NOTCH4: variants seen among roughly 807,000 people sequenced by gnomAD.
NOTCH4 encodes notch receptor 4.
A neutral mutation model predicts 189.0 loss-of-function variants in NOTCH4; 138 were observed. That is an observed-to-expected ratio of 0.73 (90% CI 0.64 to 0.84). The LOEUF (loss-of-function observed/expected upper bound fraction) is 0.84, where lower values mean the gene tolerates loss of function less well. Ranked by LOEUF, NOTCH4 falls within the 40% of genes least tolerant of loss-of-function variation. NOTCH4 has a pLI of 0.00. For synonymous variants in NOTCH4, 942 were observed against 1,032.8 expected, an observed-to-expected ratio of 0.91 and a Z score of 1.69; for missense variants, 2,286 against 2,605.4, an observed-to-expected ratio of 0.88 and a Z score of 2.67.
chr6:32,216,870 C>G, intron 11 of NOTCH4, 75 bp downstream of exon 11: 1 of 1,517,230 alleles, frequency 6.6e-7, no homozygotes, highest in Middle Eastern at 1.7e-4. Context: ...CATCAAACAC[C>G]CACCAATGAA....
Position 32,201,231 on chromosome 6 carries a change from TA to T in NOTCH4, c.4024del (p.Tyr1342IlefsTer10), listed in dbSNP as rs1561919092. 1 of 1,612,934 alleles carries T rather than the reference TA, an allele frequency of 6.2e-7. No individual in the cohort carries two copies. The highest frequency in any genetic ancestry group is 8.5e-7 in the Non-Finnish European group (1 of 1,179,986). On this transcript the variant is annotated frameshift_variant, in exon 22 of 30. Coordinates refer to ENST00000375023, the MANE Select transcript of NOTCH4 (RefSeq NM_004557.4). LOFTEE classifies it high-confidence loss of function. This position sits in a 1 kb window ranked among gnomAD's most constrained non-coding sequence, Gnocchi z 5.5. ...CTTTTCTTCAGCCCGGGCCCCAGGATAGGGGTACACCATGTCCCTGCCATCA... is the reference window on the plus strand; with the variant it reads ...CTTTTCTTCAGCCCGGGCCCCAGGATGGGGTACACCATGTCCCTGCCATCA... ...DRDGRDMVYP[Y>X]PGARAEEKLG...
chr6:32,212,806 G>T lies in NOTCH4; in HGVS notation c.2526+18C>A. 1 of 1,512,422 alleles carries T rather than the reference G, an allele frequency of 6.6e-7. No homozygotes were observed. The highest frequency in any genetic ancestry group is 8.9e-7 in the Non-Finnish European group (1 of 1,127,628). The allele number at this position is 1,512,422 out of a possible 1,614,324, so 93.7% of individuals were successfully genotyped here. ...AGCCACTTCCCTCCTCAGCACGCCT[G>T]ACTTCAATGGCCCTCACCTGGCAGC... is the stretch of plus-strand genomic sequence containing the variant. On this transcript the variant is annotated intron_variant, in intron 16 of 29. Transcript: ENST00000375023. This position sits in a 1 kb window ranked among gnomAD's most constrained non-coding sequence, Gnocchi z 4.4.
In NOTCH4 at chr6:32,219,791, G is replaced by A. The variant is rs1300769639; in HGVS notation, c.1316-5C>T. 2.5e-6 allele frequency: 4 copies of A among 1,609,944 alleles called. No homozygotes were observed. Among genetic ancestry groups the A allele is most frequent in the Non-Finnish European group, 3.4e-6 (4 of 1,178,390 alleles). ...AGGGACTTGGGCCTTGCTGGGCTGGGAGGAGAGAAGAGCTGGGAGTCCACA... is the reference window on the plus strand; with the variant it reads ...AGGGACTTGGGCCTTGCTGGGCTGGAAGGAGAGAAGAGCTGGGAGTCCACA... On this transcript the variant is annotated splice_polypyrimidine_tract_variant and splice_region_variant and intron_variant, in intron 7 of 29. Coordinates refer to ENST00000375023, the MANE Select transcript of NOTCH4 (RefSeq NM_004557.4).
intron 18 of NOTCH4, among the ~76,000 whole-genome samples, chr6:32,209,046 G>A (rs1788859036): frequency 6.6e-6 from 1 of 152,148 alleles, no homozygotes. Flanking sequence ...GTGTCATATA[G>A]ACACAATGGA....
Position 32,220,806 on chromosome 6 carries a change from C to T in NOTCH4, c.872G>A (p.Cys291Tyr). 1 of 1,614,096 alleles carries T rather than the reference C, an allele frequency of 6.2e-7. No individual in the cohort carries two copies. Among genetic ancestry groups the T allele is most frequent in the Non-Finnish European group, 8.5e-7 (1 of 1,179,968 alleles). Residue 291 changes from cysteine (C) to tyrosine (Y), a missense_variant, in exon 5 of 30, where the codon TGC becomes TAC. Physicochemically the swap from Cys to Tyr is radical, Grantham distance 194. Transcript: ENST00000375023. ...GGTGTAGGTGTCCAGCCCATCCTGG[C>T]AAGTGCCCCCATTCTGACACTGGTG... ...VSHQCQNGGT[C>Y]QDGLDTYTCL... is the part of the protein sequence containing the mutation.
rs756869942 is a variant in NOTCH4 at position 32,200,985 on chromosome 6, C to T, written c.4161G>A (p.Val1387=). The T allele has an allele frequency of 6.3e-7, 1 of 1,581,770 alleles. No homozygotes were observed. The highest frequency in any genetic ancestry group is 1.2e-5 in the South Asian group (1 of 85,366). Residue 1387 remains valine (V), a synonymous_variant, in exon 23 of 30, where the codon GTG becomes GTA. Coordinates refer to ENST00000375023, the MANE Select transcript of NOTCH4 (RefSeq NM_004557.4). The surrounding 1 kb of genome is among the most constrained non-coding windows in gnomAD (Gnocchi z 5.0). ...GGTCAGGGCCACAGCGGGACAAATCCACACCCATGACCACCACAAACCTGT... is the reference window on the plus strand; with the variant it reads ...GGTCAGGGCCACAGCGGGACAAATCTACACCCATGACCACCACAAACCTGT... The part of the protein sequence containing the change: ...LSAGFVVVMG[V]DLSRCGPDHP...
intron 5 of NOTCH4, 26 bp from the exon 6 acceptor site, chr6:32,220,667 G>A (rs1246775019): frequency 1.9e-6 from 3 of 1,612,608 alleles, no homozygotes; most frequent in Admixed American, 1.7e-5. Flanking sequence ...GAGGGGACGA[G>A]GGCTAAGGCT....
Position 32,213,785 on chromosome 6 carries a change from G to T in NOTCH4, c.2223C>A (p.Gly741=), listed in dbSNP as rs201608659. The change falls in exon 14 of 30, where the codon GGC becomes GGA. Residue 741 remains glycine, a synonymous_variant. Coordinates refer to ENST00000375023, the MANE Select transcript of NOTCH4 (RefSeq NM_004557.4). ...TACHSGPCLN[G]GSCNPSPGGY... The stretch of plus-strand genomic sequence containing the variant: ...CTCCAGGGCTAGGGTTGCAGGAGCC[G>T]CCATTGAGACATGGCCCTGAGTGAC... 8.1e-6 allele frequency: 13 copies of T among 1,611,918 alleles called. No individual in the cohort carries two copies. The East Asian group carries it at 1.3e-4, about 17-fold the overall frequency.
At position 32,216,928 on chromosome 6, in the gene NOTCH4, G is replaced by A. The variant is rs3134798; in HGVS notation, c.1861+17C>T. ...TAAAATATTCTGCCAGTTCTTTCCAGTGCCTCCCCTGTGAACCTGTGAAAC... is the reference window on the plus strand; with the variant it reads ...TAAAATATTCTGCCAGTTCTTTCCAATGCCTCCCCTGTGAACCTGTGAAAC... On this transcript the variant is annotated intron_variant, in intron 11 of 29. Transcript: ENST00000375023. 1,205,463 of 1,612,438 alleles carry A rather than the reference G, an allele frequency of 0.75. 455,034 individuals are homozygous for A. Among genetic ancestry groups the A allele is most frequent in the East Asian group, 0.9 (40,492 of 44,890 alleles).
chr6:32,201,627 C>T lies in NOTCH4; in HGVS notation c.3756-127G>A. 1 of 894,226 alleles carries T rather than the reference C, an allele frequency of 1.1e-6. No individual in the cohort carries two copies. Among genetic ancestry groups the T allele is most frequent in the Non-Finnish European group, 1.6e-6 (1 of 640,058 alleles). The allele number at this position is 894,226 out of a possible 1,614,324, so 55.4% of individuals were successfully genotyped here. ...TTGCTAAGTGGGGGCAGCTGTGGAG[C>T]AATGAGCTTAGTCAAGTCCTGGATG... On this transcript the variant is annotated intron_variant, in intron 21 of 29. Coordinates refer to ENST00000375023, the MANE Select transcript of NOTCH4 (RefSeq NM_004557.4). The surrounding 1 kb of genome is among the most constrained non-coding windows in gnomAD (Gnocchi z 5.5).
At position 32,223,238 on chromosome 6, in the gene NOTCH4, ACCCAGC is replaced by A. The variant is rs199863906; in HGVS notation, c.74-158_74-153del. 5.5e-3 allele frequency: 3,674 copies of A among 671,184 alleles called. 36 individuals are homozygous for A. Among genetic ancestry groups the A allele is most frequent in the African/African-American group, 0.019 (1,092 of 56,172 alleles). The allele number at this position is 671,184 out of a possible 1,614,324, so 41.6% of individuals were successfully genotyped here. ...CATCTGTCCCCACTCTCCACATGGT[ACCCAGC>A]CCCAGCCCCAGTGCCCTCCGTCCCA... On this transcript the variant is annotated intron_variant, in intron 1 of 29. Coordinates refer to ENST00000375023, the MANE Select transcript of NOTCH4 (RefSeq NM_004557.4).
At position 32,204,205 on chromosome 6, in the gene NOTCH4, G is replaced by T; in HGVS notation, c.3050C>A (p.Pro1017His). Residue 1017 changes from proline (P) to histidine (H), a missense_variant, in exon 19 of 30, where the codon CCC becomes CAC. Physicochemically the swap from Pro to His is moderately conservative, Grantham distance 77 (BLOSUM62 -2). Coordinates refer to ENST00000375023, the MANE Select transcript of NOTCH4 (RefSeq NM_004557.4). ...AGAGTGGCAGGCTGCAGTGCCTGTG[G>T]GGTGGCAGGGCTGGTCCAGACACTC... ...VDECLDQPCH[P>H]TGTAACHSLA... The T allele has an allele frequency of 1.2e-6, 2 of 1,612,974 alleles. No individual in the cohort carries two copies. The highest frequency in any genetic ancestry group is 1.7e-5 in the Admixed American group (1 of 60,030).
At chr6:32,215,117 TC>T in intron 12 of NOTCH4, 108 bp downstream of exon 12, 1 of 1,047,626 alleles carries the variant, frequency 9.5e-7, no homozygotes, top group East Asian at 2.7e-5. Context: ...TCCTTCCTTT[TC>T]CCCATTGGTC....
Position 32,197,544 on chromosome 6 carries a change from C to T in NOTCH4, c.4807G>A (p.Gly1603Arg), listed in dbSNP as rs1383663014. The T allele has an allele frequency of 6.8e-6, 11 of 1,612,766 alleles. No homozygotes were observed. The highest frequency in any genetic ancestry group is 1.7e-4 in the Middle Eastern group (1 of 6,056). The change falls in exon 27 of 30, where the codon GGG (glycine) becomes AGG (arginine). Residue 1603 changes from glycine (G) to arginine (R), a missense_variant. Transcript: ENST00000375023. ...SAVCCGEVQS[G>R]TFQGAWLGCP... is the part of the protein sequence containing the mutation. ...CCCAACCATGCCCCTTGGAAGGTCC[C>T]GGACTGTACTTCCCCACAGCAAACT...
chr6:32,203,284 A>G lies in NOTCH4; in HGVS notation c.3231+486T>C, dbSNP rs149761816. 311 of 154,840 alleles carry G rather than the reference A, an allele frequency of 2.0e-3. 1 individual carries two copies. The South Asian group carries it at 0.025, about 12-fold the overall frequency. 9.6% of individuals were successfully genotyped at this position (154,840 alleles called of 1,614,324 possible). ...CTCTGGAGAGGGAACAGGATACAGG[A>G]GGAGGACTTAAGTAGATGTAAGTTA... On this transcript the variant is annotated intron_variant, in intron 20 of 29. Coordinates refer to ENST00000375023, the MANE Select transcript of NOTCH4 (RefSeq NM_004557.4).
In NOTCH4 at chr6:32,198,652, G is replaced by GCCCA; in HGVS notation, c.4610_4613dup (p.Gln1539GlyfsTer4). 6.2e-7 allele frequency: 1 copy of GCCCA among 1,611,892 alleles called. No individual in the cohort carries two copies. Among genetic ancestry groups the GCCCA allele is most frequent in the Non-Finnish European group, 8.5e-7 (1 of 1,179,530 alleles). ...ATTCTTGCCCCAGCCCTTTCACCTG[G>GCCCA]CCCACCTCCTCTCCCTCCTCAGGGC... On this transcript the variant is annotated frameshift_variant, in exon 25 of 30. Coordinates refer to ENST00000375023, the MANE Select transcript of NOTCH4 (RefSeq NM_004557.4). LOFTEE classifies it high-confidence loss of function. The surrounding 1 kb of genome is among the most constrained non-coding windows in gnomAD (Gnocchi z 5.5).
chr6:32,222,729 C>T lies in NOTCH4; in HGVS notation c.233G>A (p.Gly78Asp), dbSNP rs2127491143. Residue 78 changes from glycine (G) to aspartate (D), a missense_variant, in exon 3 of 30, where the codon GGC becomes GAC. Gly to Asp is a moderately conservative substitution (Grantham distance 94, BLOSUM62 -1). Coordinates refer to ENST00000375023, the MANE Select transcript of NOTCH4 (RefSeq NM_004557.4). Reference protein sequence around the residue: ...CQNAQLCQNGGSCQALLPAPL... With the variant: ...CQNAQLCQNGDSCQALLPAPL... ...AGCGGGAAGCAGGGCTTGGCAGCTG[C>T]CTCCATTTTGGCAGAGCTGGGCGTT... 6.2e-7 allele frequency: 1 copy of T among 1,610,642 alleles called. No individual in the cohort carries two copies. Among genetic ancestry groups the T allele is most frequent in the African/African-American group, 1.3e-5 (1 of 74,718 alleles).
At chr6:32,223,171 C>T (rs1789902494) in intron 1 of NOTCH4, 85 bp from the exon 2 acceptor site, 1 of 972,994 alleles carries the variant, frequency 1.0e-6, no homozygotes, top group South Asian at 1.3e-5. Context: ...AGAGACCTGC[C>T]CACAGCAGCT....
At chr6:32,216,733 A>G in intron 11 of NOTCH4, 6 of 643,202 alleles carry the variant, frequency 9.3e-6, no homozygotes, top group Non-Finnish European at 1.1e-5. Flanking sequence ...CAATCACACC[A>G]TTTACACTGG....
Sources: allele counts gnomAD v4.1 joint callset (sites outside exome capture counted in the v4.1 genomes callset), GRCh38; gene constraint gnomAD v4.1.1; non-coding constraint Gnocchi (gnomAD v3.1); transcripts MANE v1.5; gene names NCBI Gene and HGNC (gene_info 2026-07-23, HGNC 2026-07-21).